ABCC9: variants seen among roughly 807,000 people sequenced by gnomAD.
The protein encoded by ABCC9 is ATP binding cassette subfamily C member 9.
In ABCC9, 95 loss-of-function variants were observed where a neutral mutation model predicts 188.3. The observed-to-expected ratio is 0.50, with a 90% CI of 0.43 to 0.60. The LOEUF (loss-of-function observed/expected upper bound fraction) is 0.60, where lower values mean the gene tolerates loss of function less well. Among genes scored for constraint, ABCC9 ranks in the 20% least tolerant of loss-of-function variants. The pLI, the probability that ABCC9 is intolerant of heterozygous loss-of-function variation, is 0.00. For synonymous variants in ABCC9, 659 were observed against 652.7 expected (o/e 1.01, Z -0.15); for missense variants, 1,102 against 1,876.3 (o/e 0.59, Z 7.62).
chr12:21,885,254 A>G (rs1309867075), intron 15 of ABCC9, among the ~76,000 whole-genome samples: 1 of 151,798 alleles, frequency 6.6e-6, no homozygotes, highest in Admixed American at 6.6e-5. Flanking sequence ...AGCTTTTTTC[A>G]CTCCATTTTA....
chr12:21,917,586 C>T (rs1166601156), intron 5 of ABCC9, among the ~76,000 whole-genome samples: 1 of 152,058 alleles, frequency 6.6e-6, no homozygotes, highest in African/African-American at 2.4e-5. Context: ...TGAGTTTCTG[C>T]CTTACAGATT....
intron 4 of ABCC9, among the ~76,000 whole-genome samples, chr12:21,932,537 T>G (rs1166041647): frequency 6.6e-6 from 1 of 152,038 alleles, no homozygotes; most frequent in Non-Finnish European, 1.5e-5. Flanking sequence ...AGATGTAATA[T>G]CCAGCATCTA....
intron 8 of ABCC9, among the ~76,000 whole-genome samples, chr12:21,911,231 A>G (rs939750526): frequency 6.6e-6 from 1 of 151,944 alleles, no homozygotes; most frequent in African/African-American, 2.4e-5. Context: ...TTTCCTGCAA[A>G]GGTATATCCA....
chr12:21,849,507 A>G (rs1315195578), intron 24 of ABCC9, among the ~76,000 whole-genome samples: 3 of 152,174 alleles, frequency 2.0e-5, no homozygotes, highest in Admixed American at 2.0e-4. Flanking sequence ...TCATATAATG[A>G]AATAAAATAA....
chr12:21,892,844 T>C (rs1339233123), intron 14 of ABCC9, among the ~76,000 whole-genome samples: 6 of 152,194 alleles, frequency 3.9e-5, no homozygotes, highest in Non-Finnish European at 1.5e-5. Flanking sequence ...CAGTAAGATA[T>C]AGACACCAGC....
chr12:21,837,770 G>A (rs1285135558), intron 30 of ABCC9, among the ~76,000 whole-genome samples: 2 of 104,312 alleles, frequency 1.9e-5, no homozygotes, highest in Non-Finnish European at 4.1e-5. Flanking sequence ...ACCCTAAGAA[G>A]CAAAATTGAT....
Position 21,882,877 on chromosome 12 carries a change from C to T in ABCC9, c.1912-4G>A, listed in dbSNP as rs1946689785. 2 of 1,609,556 alleles carry T rather than the reference C, an allele frequency of 1.2e-6. No individual in the cohort carries two copies. The highest frequency in any genetic ancestry group is 1.7e-6 in the Non-Finnish European group (2 of 1,176,058). ...TCCTGTTTATAGTTTTTGGCTGCTG[C>T]ATTCCAAATGGAAAAGAACACAAGT... On this transcript the variant is annotated splice_polypyrimidine_tract_variant and splice_region_variant and intron_variant, in intron 15 of 39. Coordinates refer to ENST00000261200, the MANE Select transcript of ABCC9 (RefSeq NM_020297.4).
At chr12:21,807,065 A>G (rs1005259225) in intron 38 of ABCC9, among the ~76,000 whole-genome samples, 3 of 152,196 alleles carry the variant, frequency 2.0e-5, no homozygotes, top group Admixed American at 6.6e-5. Context: ...AGTACCTCTC[A>G]TCAACTAAGC....
chr12:21,901,926 A>C (rs1291730823), intron 12 of ABCC9, among the ~76,000 whole-genome samples: 2 of 152,208 alleles, frequency 1.3e-5, no homozygotes, highest in African/African-American at 4.8e-5. Flanking sequence ...ATATCCAGGA[A>C]TTGAACTCAG....
rs10611051 is a variant in ABCC9 at position 21,816,036 on chromosome 12, GTTTTTTTTTTTTTTTTTTTTTTTTTTT to G, written c.3893-170_3893-144del. ...TAATACTGAACCAAACTATGTGGCAGTTTTTTTTTTTTTTTTTTTTTTTTTTTTTTTTTTTTTTTTTTTTAGTTTAAA... is the reference window on the plus strand; with the variant it reads ...TAATACTGAACCAAACTATGTGGCAGTTTTTTTTTTTTTTTTTAGTTTAAA... On this transcript the variant is annotated intron_variant, in intron 33 of 39. Coordinates refer to ENST00000261200, the MANE Select transcript of ABCC9 (RefSeq NM_020297.4). 8.2e-4 allele frequency: 48 copies of G among 58,268 alleles called. 1 individual carries two copies. The highest frequency in any genetic ancestry group is 2.6e-3 in the South Asian group (5 of 1,922). 3.6% of individuals were successfully genotyped at this position (58,268 alleles called of 1,614,324 possible).
chr12:21,834,007 G>C (rs1943930373), intron 30 of ABCC9, among the ~76,000 whole-genome samples: 1 of 152,036 alleles, frequency 6.6e-6, no homozygotes, highest in African/African-American at 2.4e-5. Flanking sequence ...GTTTTTCCTT[G>C]CCATGTCCAT....
rs1592207065 is a variant in ABCC9, at chr12:21,908,359, A to T, written c.1321-148T>A. 3 of 1,024,986 alleles carry T rather than the reference A, an allele frequency of 2.9e-6. No individual in the cohort carries two copies. The East Asian group carries it at 7.9e-5, about 27-fold the overall frequency. 63.5% of individuals were successfully genotyped at this position (1,024,986 alleles called of 1,614,324 possible). A position where few individuals can be genotyped will look rare whatever the true frequency, so the allele number is the denominator to read the frequency against. On this transcript the variant is annotated intron_variant, in intron 10 of 39. Coordinates refer to ENST00000261200, the MANE Select transcript of ABCC9 (RefSeq NM_020297.4). ...AACGGTATTAGGGTTCTCTAGAGGG[A>T]CAGAATTAACCATCAAGTCAACCCA...
In ABCC9 at chr12:21,807,349, G is replaced by A. The variant is rs1407445378; in HGVS notation, c.4446C>T (p.Ala1482=). ...AAAGCTTAGATAATGCACTCACTGT[G>A]GCCATGTCAATGGAAGCTGTTGCCT... ...MDEATASIDM[A]TENILQKVVM... is the part of the protein sequence containing the mutation. Residue 1482 remains alanine (A), a synonymous_variant, in exon 38 of 40, where the codon GCC becomes GCT. Transcript: ENST00000261200. The A allele has an allele frequency of 6.2e-7, 1 of 1,613,682 alleles. No homozygotes were observed. Among genetic ancestry groups the A allele is most frequent in the Non-Finnish European group, 8.5e-7 (1 of 1,179,768 alleles).
At chr12:21,911,793 G>A (rs118014928) in intron 8 of ABCC9, among the ~76,000 whole-genome samples, 3,133 of 152,068 alleles carry the variant, frequency 0.021, 48 homozygotes, top group Middle Eastern at 0.041. Flanking sequence ...CAAGGGAGAA[G>A]GATGATGGAT....
At chr12:21,887,798 A>G (rs1407012820) in intron 15 of ABCC9, 28 bp downstream of exon 15, 1 of 1,439,694 alleles carries the variant, frequency 6.9e-7, no homozygotes, top group Non-Finnish European at 9.8e-7. Context: ...TCTATTCACA[A>G]CTTCCAAAAC....
chr12:21,808,297 A>G (rs1205921988), intron 37 of ABCC9, among the ~76,000 whole-genome samples: 1 of 152,138 alleles, frequency 6.6e-6, no homozygotes, highest in African/African-American at 2.4e-5. Context: ...TTTCCACCAA[A>G]GCTGGCCTGA....
chr12:21,860,166 C>G (rs547059346), intron 21 of ABCC9, among the ~76,000 whole-genome samples: 3 of 151,730 alleles, frequency 2.0e-5, no homozygotes, highest in Non-Finnish European at 4.4e-5. Context: ...TTTTAAATTT[C>G]TCTTATTCTT....
intron 30 of ABCC9, among the ~76,000 whole-genome samples, chr12:21,837,789 T>C (rs985992428): frequency 6.6e-6 from 1 of 152,190 alleles, no homozygotes; most frequent in Non-Finnish European, 1.5e-5. Context: ...ATTTTCTCCA[T>C]TTAATAGATG....
At chr12:21,848,284 A>C in intron 24 of ABCC9, 38 bp from the exon 25 acceptor site, 1 of 1,557,966 alleles carries the variant, frequency 6.4e-7, no homozygotes. Flanking sequence ...AGGAGCTAAC[A>C]CCAATAGGTT....
Sources: allele counts gnomAD v4.1 joint callset (sites outside exome capture counted in the v4.1 genomes callset), GRCh38; gene constraint gnomAD v4.1.1; transcripts MANE v1.5; gene names NCBI Gene and HGNC (gene_info 2026-07-23, HGNC 2026-07-21).